The following TNFAIP1 variants were observed in gnomAD, a reference collection of about 807,000 sequenced individuals.
TNFAIP1 encodes BTB/POZ domain-containing adapter for CUL3-mediated RhoA degradation protein 2.
TNFAIP1 carries 20 observed loss-of-function variants against 32.6 expected under a neutral mutation model. The observed-to-expected ratio is 0.61, with a 90% CI of 0.43 to 0.89. The LOEUF (loss-of-function observed/expected upper bound fraction) is 0.89, where lower values mean the gene tolerates loss of function less well. Among genes scored for constraint, TNFAIP1 ranks in the 40% least tolerant of loss-of-function variants. The pLI, the probability that TNFAIP1 is intolerant of heterozygous loss-of-function variation, is 0.00. For missense variants in TNFAIP1, 319 were observed against 425.1 expected, an observed-to-expected ratio of 0.75 and a Z score of 2.20; for synonymous variants, 166 against 166.8, an observed-to-expected ratio of 1.00 and a Z score of 0.04.
At position 28,345,205 on chromosome 17, in the gene TNFAIP1, A is replaced by T. The variant is rs1597796426; in HGVS notation, c.*605A>T. On this transcript the variant is annotated 3_prime_UTR_variant, in exon 7 of 7. Transcript: ENST00000226225. ...TTTAAAGCACTTTGTACTGTTATTC[A>T]GGAGGTTGATAATCTCCTTGACCCA... 1 of 154,244 alleles carries T rather than the reference A, an allele frequency of 6.5e-6. No individual in the cohort carries two copies. Among genetic ancestry groups the T allele is most frequent in the Non-Finnish European group, 1.4e-5 (1 of 69,100 alleles). 9.6% of individuals were successfully genotyped at this position (154,244 alleles called of 1,614,324 possible).
Position 28,342,381 on chromosome 17 carries a change from G to A in TNFAIP1, c.653G>A (p.Arg218His), listed in dbSNP as rs782657922. Residue 218 changes from arginine (R) to histidine (H), a missense_variant, in exon 6 of 7, where the codon CGT (arginine) becomes CAT (histidine). By Grantham distance (29) the Arg-to-His change is conservative (BLOSUM62 0). Coordinates refer to ENST00000226225, the MANE Select transcript of TNFAIP1 (RefSeq NM_021137.5). The surrounding 1 kb of genome is among the most constrained non-coding windows in gnomAD (Gnocchi z 4.0). The part of the protein sequence containing the change: ...ICCWSFYGQG[R>H]KLAEVCCTSI... ...TGCTGGTCCTTTTATGGCCAGGGCC[G>A]TAAGCTGGCAGAGGTGTGCTGTACC... 6.3e-5 allele frequency: 101 copies of A among 1,605,460 alleles called. No homozygotes were observed. The highest frequency in any genetic ancestry group is 1.3e-4 in the African/African-American group (10 of 74,828).
chr17:28,341,533 G>GC, intron 5 of TNFAIP1, 77 bp downstream of exon 5: 2 of 1,546,940 alleles, frequency 1.3e-6, no homozygotes, highest in Non-Finnish European at 1.8e-6. Context: ...AGCACGGTCG[G>GC]CGTGGGTCTG....
intron 1 of TNFAIP1, among the ~76,000 whole-genome samples, chr17:28,336,985 G>C (rs1907194484): frequency 6.6e-6 from 1 of 152,242 alleles, no homozygotes; most frequent in Non-Finnish European, 1.5e-5. Flanking sequence ...CCAGTGCCCT[G>C]CTTCTGGGTT....
chr17:28,342,541 A>C lies in TNFAIP1; in HGVS notation c.714+99A>C. The C allele has an allele frequency of 8.0e-7, 1 of 1,242,664 alleles. No homozygotes were observed. The highest frequency in any genetic ancestry group is 1.1e-6 in the Non-Finnish European group (1 of 923,318). The allele number at this position is 1,242,664 out of a possible 1,614,324, so 77.0% of individuals were successfully genotyped here. On this transcript the variant is annotated intron_variant, in intron 6 of 6. Transcript: ENST00000226225. The surrounding 1 kb of genome is among the most constrained non-coding windows in gnomAD (Gnocchi z 4.0). ...CCAGCACGGAGCAAAAGGGGCATGG[A>C]CTTGGCTCTTTTTTCCAAACACGGT... is the stretch of plus-strand genomic sequence containing the variant.
chr17:28,341,492 A>G (rs781848113), intron 5 of TNFAIP1, 36 bp downstream of exon 5: 13 of 1,612,136 alleles, frequency 8.1e-6, no homozygotes, highest in East Asian at 6.7e-5. Flanking sequence ...GACACTGGGC[A>G]GCAGACCCAA....
chr17:28,344,701 T>G lies in TNFAIP1; in HGVS notation c.*101T>G. 8.2e-7 allele frequency: 1 copy of G among 1,223,150 alleles called. No homozygotes were observed. Among genetic ancestry groups the G allele is most frequent in the Admixed American group, 1.8e-5 (1 of 55,692 alleles). The allele number at this position is 1,223,150 out of a possible 1,614,324, so 75.8% of individuals were successfully genotyped here. On this transcript the variant is annotated 3_prime_UTR_variant, in exon 7 of 7. Coordinates refer to ENST00000226225, the MANE Select transcript of TNFAIP1 (RefSeq NM_021137.5). ...GCTGCTGCTGCCTGGGTCTCTGCTC[T>G]AGCACCCAGAGGCATGACAGGCCCT...
chr17:28,344,556 T>TA lies in TNFAIP1; in HGVS notation c.908dup (p.Tyr303Ter), dbSNP rs782733499. 4.3e-6 allele frequency: 7 copies of TA among 1,613,710 alleles called. No individual in the cohort carries two copies. Among genetic ancestry groups the TA allele is most frequent in the Non-Finnish European group, 5.9e-6 (7 of 1,180,024 alleles). The change falls in exon 7 of 7, where the codon TAC becomes TAAC. Residue 303 changes from tyrosine (Y) to a stop codon, truncating the protein, a stop_gained and frameshift_variant. Transcript: ENST00000226225. LOFTEE classifies it high-confidence loss of function. ...CATCCACGTCAAGCGCTACAGCACT[T>TA]ACGATGACCGGCAGCTCGGCCACCA... is the stretch of plus-strand genomic sequence containing the variant. ...RRIHVKRYSTYDDRQLGHQST... is the reference protein window; with the variant it reads ...RRIHVKRYST
chr17:28,337,390 G>A (rs1162275825), intron 1 of TNFAIP1, among the ~76,000 whole-genome samples: 1 of 152,042 alleles, frequency 6.6e-6, no homozygotes, highest in Non-Finnish European at 1.5e-5. Flanking sequence ...CCGTATTTCT[G>A]ATCCTCAAAC....
At chr17:28,336,566 C>G (rs1907168868) in intron 1 of TNFAIP1, 1 of 152,244 alleles carries the variant, frequency 6.6e-6, no homozygotes, top group African/African-American at 2.4e-5. Flanking sequence ...TGTATGTGTG[C>G]TTTCTCTGAT....
Position 28,340,439 on chromosome 17 carries a change from C to G in TNFAIP1, c.336C>G (p.Leu112=). 1 of 1,613,956 alleles carries G rather than the reference C, an allele frequency of 6.2e-7. No homozygotes were observed. Residue 112 remains leucine (L), a synonymous_variant, in exon 3 of 7, where the codon CTC becomes CTG. Transcript: ENST00000226225. The surrounding 1 kb of genome is among the most constrained non-coding windows in gnomAD (Gnocchi z 4.1). The part of the protein sequence containing the change: ...KELMAEAKYY[L]IQGLVNMCQS... ...TGATGGCTGAAGCAAAGTATTACCT[C>G]ATCCAGGGGCTGGTGAATATGTGCC...
At position 28,340,261 on chromosome 17, in the gene TNFAIP1, G is replaced by C. The variant is rs1478456790; in HGVS notation, c.206-48G>C. 1 of 1,596,738 alleles carries C rather than the reference G, an allele frequency of 6.3e-7. No homozygotes were observed. On this transcript the variant is annotated intron_variant, in intron 2 of 6. Transcript: ENST00000226225. The surrounding 1 kb of genome is among the most constrained non-coding windows in gnomAD (Gnocchi z 4.1). ...TGTCAGGTGGCCTTTGCCTGCCTCG[G>C]AGGTACCTGGCGGCAAACTAACCCT...
At chr17:28,336,155 C>T (rs1907143214) in intron 1 of TNFAIP1, among the ~76,000 whole-genome samples, 1 of 152,216 alleles carries the variant, frequency 6.6e-6, no homozygotes, top group Non-Finnish European at 1.5e-5. Flanking sequence ...TTTCCTCCCG[C>T]CGTCCTCCGT....
In TNFAIP1 at chr17:28,340,820, CT is replaced by C. The variant is rs1907335976; in HGVS notation, c.375+343del. On this transcript the variant is annotated intron_variant, in intron 3 of 6. Transcript: ENST00000226225. This position sits in a 1 kb window ranked among gnomAD's most constrained non-coding sequence, Gnocchi z 4.1. ...AGTGCAGTGGTGCGATGTCAGCTCA[CT>C]GCAACTTCTGCCTCCTGGGTTCAAG... Among the ~76,000 whole-genome samples, 1 of 152,224 alleles carries C rather than the reference CT, an allele frequency of 6.6e-6. No individual in the cohort carries two copies. The highest frequency in any genetic ancestry group is 1.5e-5 in the Non-Finnish European group (1 of 68,046).
chr17:28,342,311 G>A lies in TNFAIP1; in HGVS notation c.583G>A (p.Gly195Ser), dbSNP rs782297518. 18 of 1,600,334 alleles carry A rather than the reference G, an allele frequency of 1.1e-5. No individual in the cohort carries two copies. The highest frequency in any genetic ancestry group is 6.7e-5 in the African/African-American group (5 of 74,748). Residue 195 changes from glycine (G) to serine (S), a missense_variant, in exon 6 of 7, where the codon GGC becomes AGC. Physicochemically the swap from Gly to Ser is moderately conservative, Grantham distance 56. Transcript: ENST00000226225. This position sits in a 1 kb window ranked among gnomAD's most constrained non-coding sequence, Gnocchi z 4.0. ...TGACAAGCTCTCCCTGCGCTTCAAC[G>A]GCCGCGTGCTCTTCATCAAGGATGT... Reference protein sequence around the residue: ...LFDKLSLRFNGRVLFIKDVIG... With the variant: ...LFDKLSLRFNSRVLFIKDVIG...
rs1441288301 is a variant in TNFAIP1, at chr17:28,345,550, G to C, written c.*950G>C. 1 of 152,316 alleles carries C rather than the reference G, an allele frequency of 6.6e-6. No homozygotes were observed. Among genetic ancestry groups the C allele is most frequent in the Non-Finnish European group, 1.5e-5 (1 of 68,078 alleles). The allele number at this position is 152,316 out of a possible 1,614,324, so 9.4% of individuals were successfully genotyped here. A position where few individuals can be genotyped will look rare whatever the true frequency, so the allele number is the denominator to read the frequency against. ...TCACATACGGTAAAGCCAAAGAGCT[G>C]TCACATGGGCCAGAAACATGAGCCA... On this transcript the variant is annotated 3_prime_UTR_variant, in exon 7 of 7. Transcript: ENST00000226225.
chr17:28,341,533 G>C (rs1907363592), intron 5 of TNFAIP1, 77 bp downstream of exon 5: 2 of 1,546,822 alleles, frequency 1.3e-6, no homozygotes, highest in African/African-American at 2.7e-5. Context: ...AGCACGGTCG[G>C]CGTGGGTCTG....
chr17:28,344,427 C>G lies in TNFAIP1; in HGVS notation c.778C>G (p.Arg260Gly), dbSNP rs782243251. The change falls in exon 7 of 7, where the codon CGC (arginine) becomes GGC (glycine). Residue 260 changes from arginine (R) to glycine (G), a missense_variant. Physicochemically the swap from Arg to Gly is moderately radical, Grantham distance 125. Transcript: ENST00000226225. ...CAACGTCCTACTCTATGAGACTCCCCGCGTCCCCGACAACTCCTTGTTGGA... is the reference window on the plus strand; with the variant it reads ...CAACGTCCTACTCTATGAGACTCCCGGCGTCCCCGACAACTCCTTGTTGGA... Reference protein sequence around the residue: ...TLNVLLYETPRVPDNSLLEAT... With the variant: ...TLNVLLYETPGVPDNSLLEAT... 3.1e-6 allele frequency: 5 copies of G among 1,613,950 alleles called. No homozygotes were observed. In the South Asian group the frequency reaches 5.5e-5, roughly 18 times the overall value.
Position 28,342,748 on chromosome 17 carries a change from C to A in TNFAIP1, c.714+306C>A, listed in dbSNP as rs1907414555. 6.6e-6 allele frequency among the ~76,000 whole-genome samples: 1 copy of A among 152,222 alleles called. No homozygotes were observed. Among genetic ancestry groups the A allele is most frequent in the Non-Finnish European group, 1.5e-5 (1 of 68,044 alleles). ...TTGAACGCTGGCTCACACCACTTGCCAGTTTTCTGACTTTGGATAAGCCAC... is the reference window on the plus strand; with the variant it reads ...TTGAACGCTGGCTCACACCACTTGCAAGTTTTCTGACTTTGGATAAGCCAC... On this transcript the variant is annotated intron_variant, in intron 6 of 6. Transcript: ENST00000226225. This position sits in a 1 kb window ranked among gnomAD's most constrained non-coding sequence, Gnocchi z 4.0.
chr17:28,345,269 A>G lies in TNFAIP1; in HGVS notation c.*669A>G, dbSNP rs1342385548. ...TAATCCCCACTTCCCTGCAGAATCA[A>G]TCTGAGGGAGGGGATAAAGAGGAAG... On this transcript the variant is annotated 3_prime_UTR_variant, in exon 7 of 7. Coordinates refer to ENST00000226225, the MANE Select transcript of TNFAIP1 (RefSeq NM_021137.5). 1 of 152,550 alleles carries G rather than the reference A, an allele frequency of 6.6e-6. No homozygotes were observed. Among genetic ancestry groups the G allele is most frequent in the African/African-American group, 2.4e-5 (1 of 41,398 alleles). 9.4% of individuals were successfully genotyped at this position (152,550 alleles called of 1,614,324 possible).
Sources: gnomAD v4.1 joint callset for allele counts (sites outside exome capture counted in the v4.1 genomes callset) on GRCh38, gnomAD v4.1.1 for gene constraint, Gnocchi (gnomAD v3.1) non-coding constraint, MANE v1.5 for transcripts, NCBI Gene and HGNC (gene_info 2026-07-23, HGNC 2026-07-21) for gene names.